The following CCDC148 variants were observed in gnomAD, a reference collection of about 807,000 sequenced individuals.
CCDC148 encodes the protein coiled-coil domain-containing protein 148.
In CCDC148, 89 loss-of-function variants were observed where a neutral mutation model predicts 85.7. The ratio of observed to expected loss-of-function variants is 1.04; its 90% CI spans 0.87 to 1.24. The LOEUF is 1.24. Among genes scored for constraint, CCDC148 ranks in the 50% most tolerant of loss-of-function variants. CCDC148 has a pLI of 0.00. For synonymous variants in CCDC148, 230 were observed against 213.9 expected (o/e 1.08, Z -0.66); for missense variants, 692 against 671.7 (o/e 1.03, Z -0.33).
chr2:158,351,521 C>A (rs1328004369), intron 2 of CCDC148, among the ~76,000 whole-genome samples: 1 of 152,012 alleles, frequency 6.6e-6, no homozygotes, highest in Non-Finnish European at 1.5e-5. Context: ...TTCCGACCGG[C>A]TTAAAAACCG....
At chr2:158,262,564 G>T (rs1689276921) in intron 9 of CCDC148, among the ~76,000 whole-genome samples, 1 of 151,988 alleles carries the variant, frequency 6.6e-6, no homozygotes, top group South Asian at 2.1e-4. Flanking sequence ...ATAAAGAAAA[G>T]AAGTTTCATT....
intron 1 of CCDC148, among the ~76,000 whole-genome samples, chr2:158,409,534 C>T (rs1207354119): frequency 6.6e-6 from 1 of 152,132 alleles, no homozygotes; most frequent in Non-Finnish European, 1.5e-5. Context: ...TTTTAAATGG[C>T]TGTATTTATC....
At chr2:158,448,393 G>A (rs1688250491) in intron 1 of CCDC148, among the ~76,000 whole-genome samples, 1 of 151,200 alleles carries the variant, frequency 6.6e-6, no homozygotes, top group Admixed American at 6.6e-5. Context: ...TGTTATCCAG[G>A]CTGGAGTTCA....
At chr2:158,266,013 T>C (rs1689436014) in intron 9 of CCDC148, among the ~76,000 whole-genome samples, 1 of 152,310 alleles carries the variant, frequency 6.6e-6, no homozygotes, top group Admixed American at 6.5e-5. Flanking sequence ...ATCTCTTTCC[T>C]AGACTGGCAA....
chr2:158,396,623 C>T (rs1685533641), intron 1 of CCDC148, among the ~76,000 whole-genome samples: 1 of 152,102 alleles, frequency 6.6e-6, no homozygotes, highest in Non-Finnish European at 1.5e-5. Context: ...AGGCAATTTG[C>T]TTCACCTGCA....
At chr2:158,316,432 T>A (rs1226761091) in intron 7 of CCDC148, among the ~76,000 whole-genome samples, 2 of 152,180 alleles carry the variant, frequency 1.3e-5, no homozygotes, top group Non-Finnish European at 2.9e-5. Flanking sequence ...AGTCAGATAT[T>A]TCAAAGCAAG....
chr2:158,200,267 G>A (rs957397017), intron 11 of CCDC148, among the ~76,000 whole-genome samples: 1 of 152,176 alleles, frequency 6.6e-6, no homozygotes, highest in Non-Finnish European at 1.5e-5. Context: ...AAGGAATGCT[G>A]TTTAATTTAA....
chr2:158,345,390 A>T, intron 2 of CCDC148, 72 bp from the exon 3 acceptor site: 1 of 993,204 alleles, frequency 1.0e-6, no homozygotes, highest in Non-Finnish European at 1.5e-6. Flanking sequence ...AGAAATGCTT[A>T]ATCTGAATTT....
At chr2:158,256,956 C>T (rs1027289357) in intron 9 of CCDC148, among the ~76,000 whole-genome samples, 11 of 151,756 alleles carry the variant, frequency 7.2e-5, no homozygotes, top group African/African-American at 2.4e-4. Context: ...AGGCTGTCTC[C>T]AAAGATTAGC....
At chr2:158,344,187 G>A (rs978314873) in intron 3 of CCDC148, among the ~76,000 whole-genome samples, 48 of 152,006 alleles carry the variant, frequency 3.2e-4, no homozygotes, top group African/African-American at 1.0e-3. Flanking sequence ...AATTCAATAG[G>A]CTCAAACATT....
chr2:158,437,217 A>C lies in CCDC148; in HGVS notation c.25+19198T>G, dbSNP rs530980378. On this transcript the variant is annotated intron_variant, in intron 1 of 13. Coordinates refer to ENST00000283233, the MANE Select transcript of CCDC148 (RefSeq NM_138803.4). ...CAATATCCCTGATGAACATTGATGC[A>C]AAAATCCTCAATAAAATACCGGTAA... Among the ~76,000 whole-genome samples, 644 of 152,330 alleles carry C rather than the reference A, an allele frequency of 4.2e-3. 2 individuals are homozygous for C. The highest frequency in any genetic ancestry group is 4.4e-3 in the Admixed American group (67 of 15,306).
At chr2:158,189,591 G>A (rs552613300) in intron 11 of CCDC148, among the ~76,000 whole-genome samples, 2 of 151,978 alleles carry the variant, frequency 1.3e-5, no homozygotes, top group South Asian at 4.1e-4. Context: ...ATAATATGGT[G>A]GAGTGCATTA....
chr2:158,239,750 A>C (rs1001318211), intron 10 of CCDC148, among the ~76,000 whole-genome samples: 5 of 152,162 alleles, frequency 3.3e-5, no homozygotes, highest in Non-Finnish European at 5.9e-5. Context: ...ACATACAATA[A>C]TACTAAAAGA....
At position 158,282,811 on chromosome 2, in the gene CCDC148, A is replaced by G. The variant is rs568230468; in HGVS notation, c.1110+26622T>C. On this transcript the variant is annotated intron_variant, in intron 9 of 13. Coordinates refer to ENST00000283233, the MANE Select transcript of CCDC148 (RefSeq NM_138803.4). The stretch of plus-strand genomic sequence containing the variant: ...TTCATATGGAACCAAAAAAGAGCCC[A>G]CATCGCCAAGTCAATCCTAAGCCAA... 5.6e-3 allele frequency among the ~76,000 whole-genome samples: 852 copies of G among 152,256 alleles called. 6 individuals are homozygous for G. The highest frequency in any genetic ancestry group is 0.019 in the African/African-American group (782 of 41,542).
At chr2:158,439,491 G>C (rs891897821) in intron 1 of CCDC148, among the ~76,000 whole-genome samples, 2 of 152,082 alleles carry the variant, frequency 1.3e-5, no homozygotes, top group African/African-American at 4.8e-5. Context: ...TGGCGGCAGG[G>C]GGGAGAGATA....
chr2:158,177,872 C>T (rs1684672732), intron 12 of CCDC148, among the ~76,000 whole-genome samples: 1 of 152,062 alleles, frequency 6.6e-6, no homozygotes, highest in Non-Finnish European at 1.5e-5. Context: ...AGCACCTAAC[C>T]TCGGTGTCTC....
chr2:158,342,748 A>C (rs752619964), intron 3 of CCDC148, among the ~76,000 whole-genome samples: 2 of 152,188 alleles, frequency 1.3e-5, no homozygotes, highest in Non-Finnish European at 2.9e-5. Flanking sequence ...AGGTGGTTGC[A>C]CTGAGTAGAT....
intron 1 of CCDC148, among the ~76,000 whole-genome samples, chr2:158,368,088 T>TAC (rs1482088885): frequency 6.6e-6 from 1 of 152,116 alleles, no homozygotes; most frequent in African/African-American, 2.4e-5. Flanking sequence ...TCATAATTAA[T>TAC]ACACTGGCCA....
chr2:158,288,681 TC>T, intron 9 of CCDC148: 1 of 254,092 alleles, frequency 3.9e-6, no homozygotes, highest in Non-Finnish European at 7.7e-6. Context: ...TTTCCCGTCT[TC>T]TTCTGAGCCT....
Sources: allele counts gnomAD v4.1 joint callset (sites outside exome capture counted in the v4.1 genomes callset), GRCh38; gene constraint gnomAD v4.1.1; transcripts MANE v1.5; gene names NCBI Gene and HGNC (gene_info 2026-07-23, HGNC 2026-07-21).